Variants in TCTN2 observed in about 807,000 individuals in gnomAD.
TCTN2 encodes the protein tectonic family member 2.
In TCTN2, 66 loss-of-function variants were observed where a neutral mutation model predicts 83.4. The observed-to-expected ratio is 0.79, with a 90% CI of 0.65 to 0.97. The LOEUF (loss-of-function observed/expected upper bound fraction) is 0.97, where lower values mean the gene tolerates loss of function less well. TCTN2 is among the 50% of genes least tolerant of loss of function. The probability of loss-of-function intolerance (pLI) is 0.00; values close to 1 mark genes in which losing one functional copy is unlikely to be tolerated. For synonymous variants in TCTN2, 301 were observed against 326.7 expected (o/e 0.92, Z 0.85); for missense variants, 794 against 858.1 (o/e 0.93, Z 0.93).
Position 123,671,177 on chromosome 12 carries a change from T to C in TCTN2, c.-64T>C, listed in dbSNP as rs1955743598. 17 of 1,495,402 alleles carry C rather than the reference T, an allele frequency of 1.1e-5. No individual in the cohort carries two copies. The highest frequency in any genetic ancestry group is 1.6e-5 in the Non-Finnish European group (17 of 1,095,250). The allele number at this position is 1,495,402 out of a possible 1,614,324, so 92.6% of individuals were successfully genotyped here. A position where few individuals can be genotyped will look rare whatever the true frequency, so the allele number is the denominator to read the frequency against. ...GCAGTGGCTGCTGCGTTTTCGTGTC[T>C]GAGTCCTTCCTGGGTTCTAATGAGG... On this transcript the variant is annotated 5_prime_UTR_variant, in exon 1 of 18. The change abolishes the stop of an existing upstream ORF in the 5' untranslated region. Transcript: ENST00000303372.
rs75514507 is a variant in TCTN2, at chr12:123,695,017, G to C, written c.1234+41G>C. 2,787 of 1,607,894 alleles carry C rather than the reference G, an allele frequency of 1.7e-3. 48 individuals carry two copies. In the African/African-American group the frequency reaches 0.031, roughly 18 times the overall value. ...GTAGCAAGCATGCTTTCACTGAAAAGTATTTTTTTTTCCTCTTTTCAAGAT... is the reference window on the plus strand; with the variant it reads ...GTAGCAAGCATGCTTTCACTGAAAACTATTTTTTTTTCCTCTTTTCAAGAT... On this transcript the variant is annotated intron_variant, in intron 10 of 17. Coordinates refer to ENST00000303372, the MANE Select transcript of TCTN2 (RefSeq NM_024809.5).
At chr12:123,673,346 A>T (rs1050591134) in intron 3 of TCTN2, among the ~76,000 whole-genome samples, 1 of 152,220 alleles carries the variant, frequency 6.6e-6, no homozygotes, top group Non-Finnish European at 1.5e-5. Flanking sequence ...AAGGTGTACA[A>T]TAAACTGAGT....
chr12:123,697,077 T>C lies in TCTN2; in HGVS notation c.1394-10T>C, dbSNP rs768622341. On this transcript the variant is annotated splice_polypyrimidine_tract_variant and intron_variant, in intron 12 of 17. Transcript: ENST00000303372. ...AAAAGTAGCAAGAGGATAATCTTTT[T>C]CTTTTATAGCTGGAAGGGGTCTGTG... 1 of 1,605,348 alleles carries C rather than the reference T, an allele frequency of 6.2e-7. No homozygotes were observed. The highest frequency in any genetic ancestry group is 8.5e-7 in the Non-Finnish European group (1 of 1,172,026).
At chr12:123,673,335 A>G (rs1467618781) in intron 3 of TCTN2, among the ~76,000 whole-genome samples, 2 of 152,204 alleles carry the variant, frequency 1.3e-5, no homozygotes, top group African/African-American at 4.8e-5. Flanking sequence ...AAGAAACTAA[A>G]AAGGTGTACA....
At chr12:123,688,298 C>A in intron 7 of TCTN2, 121 bp downstream of exon 7, 2 of 1,292,732 alleles carry the variant, frequency 1.5e-6, no homozygotes, top group Non-Finnish European at 2.1e-6. Flanking sequence ...TCACTGCAAC[C>A]TCTGCCTCCC....
intron 5 of TCTN2, among the ~76,000 whole-genome samples, chr12:123,680,065 A>G (rs897616238): frequency 1.3e-5 from 2 of 151,920 alleles, no homozygotes; most frequent in African/African-American, 4.8e-5. Flanking sequence ...TTAAATTTAA[A>G]AATTTTGGTG....
chr12:123,706,035 CAT>C (rs1956224839), intron 15 of TCTN2, among the ~76,000 whole-genome samples: 1 of 151,920 alleles, frequency 6.6e-6, no homozygotes, highest in African/African-American at 2.4e-5. Flanking sequence ...GGATTACAGG[CAT>C]GAGTCACCGT....
At chr12:123,703,966 GC>G (rs1376164507) in intron 14 of TCTN2, among the ~76,000 whole-genome samples, 1 of 151,560 alleles carries the variant, frequency 6.6e-6, no homozygotes, top group Non-Finnish European at 1.5e-5. Context: ...GTGGGTCAGG[GC>G]TTTTAAGTTC....
At chr12:123,678,522 A>G (rs1955852941) in intron 4 of TCTN2, among the ~76,000 whole-genome samples, 1 of 152,146 alleles carries the variant, frequency 6.6e-6, no homozygotes, top group Admixed American at 6.5e-5. Flanking sequence ...TCCTGACCTC[A>G]GGTGATCCAC....
At chr12:123,696,828 A>T in intron 12 of TCTN2, 1 of 538,896 alleles carries the variant, frequency 1.9e-6, no homozygotes, top group South Asian at 2.0e-5. Flanking sequence ...GAACTGCAGG[A>T]AATCTGTGCT....
intron 11 of TCTN2, chr12:123,696,200 T>C: frequency 5.2e-6 from 3 of 573,060 alleles, no homozygotes; most frequent in Non-Finnish European, 6.3e-6. Context: ...TAGTCTGTTG[T>C]ACATAGTAAC....
At chr12:123,673,984 TG>T (rs1451948601) in intron 4 of TCTN2, among the ~76,000 whole-genome samples, 174 bp downstream of exon 4, 1 of 151,990 alleles carries the variant, frequency 6.6e-6, no homozygotes, top group East Asian at 1.9e-4. Context: ...GGTGACAGAG[TG>T]GGACCCTGTC....
rs751385319 is a variant in TCTN2, at chr12:123,692,733, G to A, written c.1099+10G>A. The A allele has an allele frequency of 8.7e-6, 14 of 1,602,150 alleles. No homozygotes were observed. The East Asian group carries it at 2.9e-4, about 33-fold the overall frequency. On this transcript the variant is annotated intron_variant, in intron 9 of 17. Transcript: ENST00000303372. The stretch of plus-strand genomic sequence containing the variant: ...TTCATCACCAATACAGGTATTTAAT[G>A]TTACACTTTGACGTCATTTCTTCAG...
Position 123,707,787 on chromosome 12 carries a change from C to A in TCTN2, c.*74C>A. The A allele has an allele frequency of 8.9e-7, 1 of 1,124,296 alleles. No homozygotes were observed. The highest frequency in any genetic ancestry group is 1.4e-6 in the Non-Finnish European group (1 of 739,438). The allele number at this position is 1,124,296 out of a possible 1,614,324, so 69.6% of individuals were successfully genotyped here. ...CCCAGGCTGAAGTGATCTCGGCTCACCACAACCTCCTCCTCTTGGGTTCAA... is the reference window on the plus strand; with the variant it reads ...CCCAGGCTGAAGTGATCTCGGCTCAACACAACCTCCTCCTCTTGGGTTCAA... On this transcript the variant is annotated 3_prime_UTR_variant, in exon 18 of 18. Transcript: ENST00000303372.
chr12:123,696,192 G>T, intron 11 of TCTN2: 1 of 530,248 alleles, frequency 1.9e-6, no homozygotes, highest in South Asian at 2.1e-5. Flanking sequence ...TTTTTACATA[G>T]TCTGTTGTAC....
At position 123,673,640 on chromosome 12, in the gene TCTN2, G is replaced by A. The variant is rs1394112121; in HGVS notation, c.293G>A (p.Trp98Ter). ...AAGGTGTTGGAAGTGACAGTGAGGTGGAAGAGAGGTCTGGACTGGTGTTCC... is the reference window on the plus strand; with the variant it reads ...AAGGTGTTGGAAGTGACAGTGAGGTAGAAGAGAGGTCTGGACTGGTGTTCC... ...GAKVLEVTVR[W>*]KRGLDWCSSN... The change falls in exon 4 of 18, where the codon TGG becomes TAG. Residue 98 changes from tryptophan to a stop codon, truncating the protein, a stop_gained. Transcript: ENST00000303372. LOFTEE classifies it high-confidence loss of function. 2 of 1,614,084 alleles carry A rather than the reference G, an allele frequency of 1.2e-6. No individual in the cohort carries two copies. Among genetic ancestry groups the A allele is most frequent in the Non-Finnish European group, 1.7e-6 (2 of 1,180,046 alleles).
At chr12:123,692,387 G>T (rs1363461136) in intron 8 of TCTN2, among the ~76,000 whole-genome samples, 1 of 152,192 alleles carries the variant, frequency 6.6e-6, no homozygotes, top group Non-Finnish European at 1.5e-5. Context: ...ATTGCCACCA[G>T]CAGTGAACTG....
intron 14 of TCTN2, chr12:123,700,178 A>AT: frequency 1.4e-5 from 5 of 366,610 alleles, no homozygotes; most frequent in South Asian, 2.3e-5. Context: ...CATCTGGCTA[A>AT]TTTTTTTATT....
At chr12:123,689,664 C>T (rs1263083327) in intron 7 of TCTN2, among the ~76,000 whole-genome samples, 2 of 152,174 alleles carry the variant, frequency 1.3e-5, no homozygotes, top group Non-Finnish European at 2.9e-5. Flanking sequence ...CCTCCTCCTA[C>T]TCACTACCCT....
Sources: allele counts gnomAD v4.1 joint callset (sites outside exome capture counted in the v4.1 genomes callset), GRCh38; gene constraint gnomAD v4.1.1; transcripts MANE v1.5; gene names NCBI Gene and HGNC (gene_info 2026-07-23, HGNC 2026-07-21).